TNS3: variants seen among roughly 807,000 people sequenced by gnomAD.
TNS3 encodes tensin 3.
A neutral mutation model predicts 140.9 loss-of-function variants in TNS3; 45 were observed. The observed-to-expected ratio is 0.32, with a 90% CI of 0.25 to 0.41. The LOEUF is 0.41. TNS3 is among the 10% of genes least tolerant of loss of function. The pLI, the probability that TNS3 is intolerant of heterozygous loss-of-function variation, is 1.00. For synonymous variants in TNS3, 815 were observed against 788.4 expected, an observed-to-expected ratio of 1.03 and a Z score of -0.56; for missense variants, 1,716 against 1,906.7, an observed-to-expected ratio of 0.90 and a Z score of 1.86.
At chr7:47,439,903 G>A (rs745848331) in intron 5 of TNS3, among the ~76,000 whole-genome samples, 3 of 152,096 alleles carry the variant, frequency 2.0e-5, no homozygotes, top group South Asian at 4.2e-4. Context: ...CGCAAGCTGC[G>A]GTCAGGGAAC....
intron 4 of TNS3, among the ~76,000 whole-genome samples, chr7:47,472,246 G>C (rs1044846337): frequency 2.0e-5 from 3 of 152,188 alleles, no homozygotes; most frequent in African/African-American, 7.2e-5. Context: ...TCACATTCAG[G>C]GGTTTCAGGT....
intron 17 of TNS3, among the ~76,000 whole-genome samples, chr7:47,355,031 G>A (rs1789910859): frequency 6.6e-6 from 1 of 151,898 alleles, no homozygotes; most frequent in South Asian, 2.1e-4. Flanking sequence ...ATGCCCCAAA[G>A]TCCCCTACAC....
chr7:47,404,639 C>G (rs1445428431), intron 13 of TNS3, among the ~76,000 whole-genome samples: 3 of 151,946 alleles, frequency 2.0e-5, no homozygotes, highest in African/African-American at 7.3e-5. Context: ...GTAATCCCAG[C>G]ACTTTGGGAG....
intron 17 of TNS3, among the ~76,000 whole-genome samples, chr7:47,350,346 G>A (rs1789593643): frequency 1.3e-5 from 2 of 152,214 alleles, no homozygotes; most frequent in Non-Finnish European, 2.9e-5. Flanking sequence ...ATTTAACAAT[G>A]GTTTATTCTT....
At chr7:47,319,328 C>T (rs907418353) in intron 20 of TNS3, among the ~76,000 whole-genome samples, 1 of 152,160 alleles carries the variant, frequency 6.6e-6, no homozygotes, top group Non-Finnish European at 1.5e-5. Flanking sequence ...TCTACCTCCA[C>T]TCCCACTGGA....
intron 1 of TNS3, among the ~76,000 whole-genome samples, chr7:47,540,589 C>T (rs1799756291): frequency 6.6e-6 from 1 of 152,092 alleles, no homozygotes; most frequent in Non-Finnish European, 1.5e-5. Context: ...GGAAATACAG[C>T]GGCTGGCTCA....
chr7:47,509,499 C>G (rs1378622619), intron 2 of TNS3, among the ~76,000 whole-genome samples: 2 of 152,154 alleles, frequency 1.3e-5, no homozygotes, highest in East Asian at 3.9e-4. Flanking sequence ...TCGTAAGCAC[C>G]TCTCGGGGAG....
At position 47,302,977 on chromosome 7, in the gene TNS3, C is replaced by A; in HGVS notation, c.3430G>T (p.Ala1144Ser). The A allele has an allele frequency of 1.2e-6, 2 of 1,610,866 alleles. No homozygotes were observed. The highest frequency in any genetic ancestry group is 1.7e-6 in the Non-Finnish European group (2 of 1,177,734). The change falls in exon 22 of 31, where the codon GCT (alanine) becomes TCT (serine). Residue 1144 changes from alanine (A) to serine (S), a missense_variant. Coordinates refer to ENST00000311160, the MANE Select transcript of TNS3 (RefSeq NM_022748.12). ...GGCAGAGGTGAGGCCGCTTCTGAAG[C>A]CTTGGAAAAGTCGGGAAGGACATTT... ...FPNVLPDFSK[A>S]SEAASPLPDS...
intron 16 of TNS3, among the ~76,000 whole-genome samples, chr7:47,385,162 C>T (rs1387705579): frequency 6.6e-6 from 1 of 152,214 alleles, no homozygotes; most frequent in East Asian, 1.9e-4. Context: ...TTTGGACACA[C>T]TCATGGTGCT....
At chr7:47,485,716 T>C (rs1472393463) in intron 3 of TNS3, among the ~76,000 whole-genome samples, 1 of 152,240 alleles carries the variant, frequency 6.6e-6, no homozygotes, top group African/African-American at 2.4e-5. Context: ...CTTTATTGCC[T>C]TCTTTCAGCT....
chr7:47,408,830 A>G (rs1793593890), intron 13 of TNS3, among the ~76,000 whole-genome samples: 1 of 151,548 alleles, frequency 6.6e-6, no homozygotes, highest in South Asian at 2.1e-4. Flanking sequence ...GTATAATAAC[A>G]CCCCTTCCAA....
At chr7:47,392,932 C>A (rs559324070) in intron 16 of TNS3, among the ~76,000 whole-genome samples, 1 of 152,344 alleles carries the variant, frequency 6.6e-6, no homozygotes, top group African/African-American at 2.4e-5. Flanking sequence ...ATGGCAGCCT[C>A]GTGTCTCACA....
intron 16 of TNS3, among the ~76,000 whole-genome samples, chr7:47,380,168 C>G (rs548952959): frequency 6.6e-6 from 1 of 152,220 alleles, no homozygotes; most frequent in Non-Finnish European, 1.5e-5. Flanking sequence ...GTGTCACAGA[C>G]GCCGCCAAGG....
intron 20 of TNS3, among the ~76,000 whole-genome samples, chr7:47,331,326 G>A (rs1788329906): frequency 6.6e-6 from 1 of 152,166 alleles, no homozygotes; most frequent in South Asian, 2.1e-4. Context: ...GTTTGTTCCT[G>A]AGAATTACGT....
chr7:47,299,573 G>A (rs1053502137), intron 23 of TNS3, among the ~76,000 whole-genome samples: 4 of 152,156 alleles, frequency 2.6e-5, no homozygotes, highest in East Asian at 1.9e-4. Context: ...GAAGCCTCAC[G>A]GGACTGAGAC....
At chr7:47,321,766 C>G (rs1372894377) in intron 20 of TNS3, among the ~76,000 whole-genome samples, 1 of 152,170 alleles carries the variant, frequency 6.6e-6, no homozygotes, top group Non-Finnish European at 1.5e-5. Context: ...TCAGAAAGAC[C>G]TTCGCTCAAA....
intron 4 of TNS3, among the ~76,000 whole-genome samples, chr7:47,444,461 G>A (rs747476543): frequency 6.6e-6 from 1 of 152,200 alleles, no homozygotes; most frequent in Non-Finnish European, 1.5e-5. Context: ...ACTCTCACAT[G>A]ACACATCATT....
chr7:47,291,036 G>C (rs1785668377), intron 27 of TNS3, among the ~76,000 whole-genome samples: 1 of 152,082 alleles, frequency 6.6e-6, no homozygotes, highest in African/African-American at 2.4e-5. Context: ...AACACATGGA[G>C]GAAACTTAAA....
intron 9 of TNS3, 43 bp from the exon 10 acceptor site, chr7:47,424,227 C>T: frequency 6.2e-7 from 1 of 1,602,958 alleles, no homozygotes; most frequent in Non-Finnish European, 8.5e-7. Flanking sequence ...TCAGTGGAGC[C>T]CACACCACGT....
Sources: allele counts gnomAD v4.1 joint callset (sites outside exome capture counted in the v4.1 genomes callset), GRCh38; gene constraint gnomAD v4.1.1; transcripts MANE v1.5; gene names NCBI Gene and HGNC (gene_info 2026-07-23, HGNC 2026-07-21).